The following NCR2 variants were observed in gnomAD, a reference collection of about 807,000 sequenced individuals.
NCR2 encodes the protein natural cytotoxicity triggering receptor 2.
NCR2 carries 35 observed loss-of-function variants against 30.7 expected under a neutral mutation model. The observed-to-expected ratio is 1.14, with a 90% CI of 0.87 to 1.51. NCR2 has a LOEUF of 1.51. Among genes scored for constraint, NCR2 ranks in the 40% most tolerant of loss-of-function variants. NCR2 has a pLI of 0.00. For synonymous variants in NCR2, 146 were observed against 134.8 expected, an observed-to-expected ratio of 1.08 and a Z score of -0.58; for missense variants, 316 against 328.9, an observed-to-expected ratio of 0.96 and a Z score of 0.30.
chr6:41,347,860 G>A (rs116761482), intron 4 of NCR2, among the ~76,000 whole-genome samples: 1,937 of 152,254 alleles, frequency 0.013, 38 homozygotes, highest in African/African-American at 0.043. Flanking sequence ...ATGGAGGGCC[G>A]TGCCCAAGAC....
chr6:41,347,735 G>T lies in NCR2; in HGVS notation c.645-2943G>T, dbSNP rs189398187. Among the ~76,000 whole-genome samples the T allele has an allele frequency of 3.9e-5, 6 of 152,304 alleles. No individual in the cohort carries two copies. In the East Asian group the frequency reaches 1.2e-3, roughly 29 times the overall value. On this transcript the variant is annotated intron_variant, in intron 4 of 4. Coordinates refer to ENST00000373089, the MANE Select transcript of NCR2 (RefSeq NM_004828.4). Reference sequence around the variant, plus strand: ...TTCATTAGGTCACAGGTTTTTTGGGGGGATGGGGGTGTGATCAGAAATTTG... The same window carrying T: ...TTCATTAGGTCACAGGTTTTTTGGGTGGATGGGGGTGTGATCAGAAATTTG...
At chr6:41,344,647 C>A (rs1372587985) in intron 4 of NCR2, among the ~76,000 whole-genome samples, 1 of 152,230 alleles carries the variant, frequency 6.6e-6, no homozygotes, top group Admixed American at 6.5e-5. Context: ...TGGCAAGCCA[C>A]ATTTTCTCTG....
chr6:41,343,788 C>T (rs1007375054), intron 4 of NCR2, among the ~76,000 whole-genome samples: 1 of 138,138 alleles, frequency 7.2e-6, no homozygotes, highest in Non-Finnish European at 1.6e-5. Flanking sequence ...CCTAATTTCT[C>T]GGAAGGTGAG....
At chr6:41,347,356 A>G (rs1769326692) in intron 4 of NCR2, among the ~76,000 whole-genome samples, 1 of 152,162 alleles carries the variant, frequency 6.6e-6, no homozygotes, top group East Asian at 1.9e-4. Context: ...CTACTGCTCC[A>G]TTATCTTATT....
Position 41,336,385 on chromosome 6 carries a change from CTCTGTCTCT to C in NCR2, c.352_360del (p.Ser118_Ser120del). The C allele has an allele frequency of 3.7e-6, 6 of 1,614,014 alleles. No homozygotes were observed. The highest frequency in any genetic ancestry group is 5.1e-6 in the Non-Finnish European group (6 of 1,180,010). ...GTAGAATCTACCGCCCTTCTGACAACTCTGTCTCTAAGTCCGTCAGATTCTATCTGGTGG... is the reference window on the plus strand; with the variant it reads ...GTAGAATCTACCGCCCTTCTGACAACAAGTCCGTCAGATTCTATCTGGTGG... On this transcript the variant is annotated inframe_deletion, in exon 2 of 5. Coordinates refer to ENST00000373089, the MANE Select transcript of NCR2 (RefSeq NM_004828.4).
At chr6:41,342,335 A>C (rs2114057403) in intron 4 of NCR2, among the ~76,000 whole-genome samples, 186 bp downstream of exon 4, 1 of 152,164 alleles carries the variant, frequency 6.6e-6, no homozygotes, top group South Asian at 2.1e-4. Context: ...TTTGTCCTTC[A>C]GCTGCAAACT....
At chr6:41,341,670 T>G in intron 2 of NCR2, 124 bp from the exon 3 acceptor site, 1 of 1,285,512 alleles carries the variant, frequency 7.8e-7, no homozygotes, top group Non-Finnish European at 1.1e-6. Flanking sequence ...CTCAAATTAG[T>G]TTTCTTCTCT....
Position 41,336,394 on chromosome 6 carries a change from T to C in NCR2, c.360T>C (p.Ser120=), listed in dbSNP as rs746993421. The change falls in exon 2 of 5, where the codon TCT becomes TCC. Residue 120 remains serine, a synonymous_variant. Coordinates refer to ENST00000373089, the MANE Select transcript of NCR2 (RefSeq NM_004828.4). ...RIYRPSDNSV[S]KSVRFYLVVS... Reference sequence around the variant, plus strand: ...ACCGCCCTTCTGACAACTCTGTCTCTAAGTCCGTCAGATTCTATCTGGTGG... The same window carrying C: ...ACCGCCCTTCTGACAACTCTGTCTCCAAGTCCGTCAGATTCTATCTGGTGG... 1.9e-5 allele frequency: 31 copies of C among 1,613,828 alleles called. No individual in the cohort carries two copies. The East Asian group carries it at 6.0e-4, about 31-fold the overall frequency.
In NCR2 at chr6:41,342,154, G is replaced by T. The variant is rs1283261567; in HGVS notation, c.644+5G>T. On this transcript the variant is annotated splice_donor_5th_base_variant and intron_variant, in intron 4 of 4. Transcript: ENST00000373089. The stretch of plus-strand genomic sequence containing the variant: ...GTCAGCCCTGCTCGTCTGGTGGTGA[G>T]TGTGGTGTGGGTTGAACTCGGGGAA... The T allele has an allele frequency of 6.2e-7, 1 of 1,612,330 alleles. No homozygotes were observed.
chr6:41,339,595 C>A (rs1393200708), intron 2 of NCR2, among the ~76,000 whole-genome samples: 10 of 151,328 alleles, frequency 6.6e-5, no homozygotes, highest in South Asian at 6.3e-4. Context: ...CCATGTTAGC[C>A]AGGATGGTCT....
chr6:41,336,847 C>T (rs572602031), intron 2 of NCR2, among the ~76,000 whole-genome samples: 4 of 151,756 alleles, frequency 2.6e-5, no homozygotes, highest in East Asian at 1.9e-4. Context: ...TAGTCCAGAT[C>T]GGGGACTAAG....
At position 41,342,936 on chromosome 6, in the gene NCR2, C is replaced by T. The variant is rs1266319222; in HGVS notation, c.644+787C>T. Reference sequence around the variant, plus strand: ...TCTCAAGGGTTTTAAGGAATCGGCACATGCAGCATCAAGGGAGGTCTCTGC... The same window carrying T: ...TCTCAAGGGTTTTAAGGAATCGGCATATGCAGCATCAAGGGAGGTCTCTGC... On this transcript the variant is annotated intron_variant, in intron 4 of 4. Transcript: ENST00000373089. The T allele has an allele frequency of 2.6e-6, 4 of 1,550,454 alleles. No homozygotes were observed. The Admixed American group carries it at 5.9e-5, about 23-fold the overall frequency.
chr6:41,340,412 T>A (rs1334671342), intron 2 of NCR2, among the ~76,000 whole-genome samples: 1 of 152,164 alleles, frequency 6.6e-6, no homozygotes, highest in Non-Finnish European at 1.5e-5. Flanking sequence ...TCCACCTGCC[T>A]CGGCCTCCAA....
At chr6:41,350,286 G>A (rs989031969) in intron 4 of NCR2, among the ~76,000 whole-genome samples, 8 of 152,204 alleles carry the variant, frequency 5.3e-5, no homozygotes, top group African/African-American at 1.9e-4. Flanking sequence ...GTTTTAGAGG[G>A]AGTGAGGTGT....
chr6:41,336,163 G>C lies in NCR2; in HGVS notation c.129G>C (p.Pro43=), dbSNP rs569305538. 1 of 1,614,108 alleles carries C rather than the reference G, an allele frequency of 6.2e-7. No homozygotes were observed. Among genetic ancestry groups the C allele is most frequent in the South Asian group, 1.1e-5 (1 of 91,080 alleles). The part of the protein sequence containing the change: ...GQTLTVRCQY[P]PTGSLYEKKG... ...CGCTAACCGTGAGATGCCAGTACCCGCCCACGGGCAGTCTCTACGAGAAGA... is the reference window on the plus strand; with the variant it reads ...CGCTAACCGTGAGATGCCAGTACCCCCCCACGGGCAGTCTCTACGAGAAGA... The change falls in exon 2 of 5, where the codon CCG becomes CCC. Residue 43 remains proline (P), a synonymous_variant. Transcript: ENST00000373089.
At chr6:41,342,797 G>T in intron 4 of NCR2, 1 of 787,660 alleles carries the variant, frequency 1.3e-6, no homozygotes, top group Non-Finnish European at 2.1e-6. Context: ...TGAGTGAAAG[G>T]TGCAGGGACA....
At chr6:41,340,147 C>CTTTATTTATTTA (rs34270868) in intron 2 of NCR2, among the ~76,000 whole-genome samples, 1,931 of 147,288 alleles carry the variant, frequency 0.013, 33 homozygotes, top group African/African-American at 0.033. Flanking sequence ...TAGCTAACAA[C>CTTTATTTATTTA]TTTATTTATT....
rs187777566 is a variant in NCR2, at chr6:41,346,844, G to A, written c.645-3834G>A. ...GAGAGAAAGAGAGGGAGGGAGGGAG[G>A]GAGGGAGGGACAGAATGAGAGGAAG... On this transcript the variant is annotated intron_variant, in intron 4 of 4. Coordinates refer to ENST00000373089, the MANE Select transcript of NCR2 (RefSeq NM_004828.4). Among the ~76,000 whole-genome samples, 5 of 143,206 alleles carry A rather than the reference G, an allele frequency of 3.5e-5. 1 individual carries two copies. The East Asian group carries it at 1.2e-3, about 34-fold the overall frequency. The allele number at this position is 143,206 out of a possible 152,430, so 93.9% of individuals were successfully genotyped here.
At chr6:41,350,608 T>A in intron 4 of NCR2, 70 bp from the exon 5 acceptor site, 1 of 1,354,862 alleles carries the variant, frequency 7.4e-7, no homozygotes, top group South Asian at 1.3e-5. Flanking sequence ...GGGAAGGGGT[T>A]GCCTCTGCAC....
Sources: allele counts gnomAD v4.1 joint callset (sites outside exome capture counted in the v4.1 genomes callset), GRCh38; gene constraint gnomAD v4.1.1; transcripts MANE v1.5; gene names NCBI Gene and HGNC (gene_info 2026-07-23, HGNC 2026-07-21).